Variants in NEGR1 observed in about 807,000 individuals in gnomAD.
The protein encoded by NEGR1 is IgLON family member 4.
Under a neutral mutation model 40.9 loss-of-function variants are expected in NEGR1, and 10 were observed. The ratio of observed to expected loss-of-function variants is 0.24; its 90% CI spans 0.15 to 0.42. The LOEUF (loss-of-function observed/expected upper bound fraction) is 0.42, where lower values mean the gene tolerates loss of function less well. Ranked by LOEUF, NEGR1 falls within the 10% of genes least tolerant of loss-of-function variation. NEGR1 has a pLI of 1.00. For missense variants in NEGR1, 352 were observed against 438.9 expected (o/e 0.80, Z 1.77); for synonymous variants, 185 against 166.8 (o/e 1.11, Z -0.84).
intron 1 of NEGR1, among the ~76,000 whole-genome samples, chr1:72,218,649 C>T (rs1276650218): frequency 6.6e-6 from 1 of 150,418 alleles, no homozygotes. Flanking sequence ...TAACAGAGAT[C>T]GAGATGCCAG....
At chr1:72,258,606 A>T (rs1219422744) in intron 1 of NEGR1, among the ~76,000 whole-genome samples, 1 of 152,206 alleles carries the variant, frequency 6.6e-6, no homozygotes, top group Non-Finnish European at 1.5e-5. Flanking sequence ...CGGGGCAATT[A>T]AATAACTAAA....
chr1:71,928,129 C>CATATGT lies in NEGR1; in HGVS notation c.409+6949_409+6950insACATAT, dbSNP rs1449425941. Among the ~76,000 whole-genome samples, 3 of 2,522 alleles carry CATATGT rather than the reference C, an allele frequency of 1.2e-3. 1 individual carries two copies. Among genetic ancestry groups the CATATGT allele is most frequent in the African/African-American group, 4.0e-3 (2 of 500 alleles). The allele number at this position is 2,522 out of a possible 152,430, so 1.7% of individuals were successfully genotyped here. On this transcript the variant is annotated intron_variant, in intron 2 of 6. Transcript: ENST00000357731. ...ATATATACACATATGTATATATACA[C>CATATGT]ACATATGTATATATACACACATATG... is the stretch of plus-strand genomic sequence containing the variant.
In NEGR1 at chr1:71,933,694, GT is replaced by G. The variant is rs369106269; in HGVS notation, c.409+1384del. On this transcript the variant is annotated intron_variant, in intron 2 of 6. Transcript: ENST00000357731. Reference sequence around the variant, plus strand: ...ATTAAAGATGAACTTTTGTGAAAATGTTATTATATTCTGATATACCACTTTT... The same window carrying G: ...ATTAAAGATGAACTTTTGTGAAAATGTATTATATTCTGATATACCACTTTT... Among the ~76,000 whole-genome samples the G allele has an allele frequency of 7.1e-3, 1,082 of 152,076 alleles. 11 individuals are homozygous for G. The highest frequency in any genetic ancestry group is 0.012 in the Non-Finnish European group (801 of 67,892).
chr1:72,152,761 A>G (rs761277198), intron 1 of NEGR1, among the ~76,000 whole-genome samples: 271 of 152,130 alleles, frequency 1.8e-3, no homozygotes, highest in Non-Finnish European at 2.9e-3. Context: ...AGAAAATGTG[A>G]TACATTTACA....
intron 1 of NEGR1, among the ~76,000 whole-genome samples, chr1:72,019,405 G>A (rs1158963498): frequency 6.6e-6 from 1 of 152,122 alleles, no homozygotes; most frequent in Non-Finnish European, 1.5e-5. Flanking sequence ...CTAGAAAATA[G>A]TGACAGAAAA....
intron 4 of NEGR1, among the ~76,000 whole-genome samples, chr1:71,684,489 T>C (rs1652956870): frequency 6.6e-6 from 1 of 152,140 alleles, no homozygotes; most frequent in African/African-American, 2.4e-5. Flanking sequence ...TGTATGTATC[T>C]ATTTTTGTGT....
At chr1:72,256,011 A>C (rs182356570) in intron 1 of NEGR1, among the ~76,000 whole-genome samples, 9 of 152,342 alleles carry the variant, frequency 5.9e-5, no homozygotes, top group Admixed American at 5.9e-4. Context: ...TCAGCAACAA[A>C]TAGAGCTAAA....
chr1:71,876,604 AGAAGGAAG>A (rs34140557), intron 2 of NEGR1, among the ~76,000 whole-genome samples: 3 of 150,396 alleles, frequency 2.0e-5, no homozygotes, highest in South Asian at 4.2e-4. Flanking sequence ...AAGGAAGGAA[AGAAGGAAG>A]GAAGGAAGGA....
intron 1 of NEGR1, among the ~76,000 whole-genome samples, chr1:72,257,323 A>C (rs1655307069): frequency 1.0e-5 from 1 of 100,058 alleles, no homozygotes; most frequent in Non-Finnish European, 2.1e-5. Flanking sequence ...CTCTGTCTCA[A>C]AAAAAAAAAA....
At chr1:72,178,287 T>C (rs1298968403) in intron 1 of NEGR1, among the ~76,000 whole-genome samples, 2 of 152,048 alleles carry the variant, frequency 1.3e-5, no homozygotes, top group Non-Finnish European at 2.9e-5. Context: ...TAGCCAGTTG[T>C]ATTCTGTGAG....
At chr1:71,425,973 C>CT (rs1646425862) in intron 6 of NEGR1, among the ~76,000 whole-genome samples, 1 of 152,152 alleles carries the variant, frequency 6.6e-6, no homozygotes, top group Admixed American at 6.5e-5. Flanking sequence ...AGCAATCACA[C>CT]TCCTACAGCT....
chr1:71,877,392 C>T (rs1038109416), intron 2 of NEGR1, among the ~76,000 whole-genome samples: 1 of 152,050 alleles, frequency 6.6e-6, no homozygotes, highest in South Asian at 2.1e-4. Flanking sequence ...GAGATCAAGG[C>T]GTGGGCAGGT....
At chr1:71,472,025 T>G (rs1279058507) in intron 6 of NEGR1, among the ~76,000 whole-genome samples, 1 of 152,172 alleles carries the variant, frequency 6.6e-6, no homozygotes, top group Non-Finnish European at 1.5e-5. Flanking sequence ...AAAAGTCTTC[T>G]GATCACATGT....
chr1:72,017,633 G>A (rs1646723022), intron 1 of NEGR1, among the ~76,000 whole-genome samples: 2 of 151,584 alleles, frequency 1.3e-5, no homozygotes, highest in African/African-American at 4.8e-5. Flanking sequence ...TCTTAAGACA[G>A]ATGTAGTTGG....
In NEGR1 at chr1:71,413,830, C is replaced by A. The variant is rs895172306; in HGVS notation, c.941-6260G>T. 1.3e-5 allele frequency among the ~76,000 whole-genome samples: 2 copies of A among 152,156 alleles called. 1 individual carries two copies. Among genetic ancestry groups the A allele is most frequent in the Admixed American group, 1.3e-4 (2 of 15,270 alleles). ...ATATCTTTTCTAATTATGATTATCA[C>A]TACCAATTACCACATCTGCTGCATA... On this transcript the variant is annotated intron_variant, in intron 6 of 6. Transcript: ENST00000357731.
chr1:71,996,761 C>G (rs113344161), intron 1 of NEGR1, among the ~76,000 whole-genome samples: 1 of 152,140 alleles, frequency 6.6e-6, no homozygotes, highest in Middle Eastern at 3.4e-3. Context: ...ATAAAATGAT[C>G]TTTGCTTTCG....
Position 71,525,456 on chromosome 1 carries a change from A to G in NEGR1, c.940+67361T>C, listed in dbSNP as rs182209188. Among the ~76,000 whole-genome samples the G allele has an allele frequency of 3.1e-3, 471 of 151,838 alleles. 3 individuals are homozygous for G. The highest frequency in any genetic ancestry group is 4.1e-3 in the Non-Finnish European group (278 of 67,758). Reference sequence around the variant, plus strand: ...GCTTATTTGACTTAAAATCTAAATTATAAAGATAGGTATTTCAATTCTTCT... The same window carrying G: ...GCTTATTTGACTTAAAATCTAAATTGTAAAGATAGGTATTTCAATTCTTCT... On this transcript the variant is annotated intron_variant, in intron 6 of 6. Transcript: ENST00000357731.
intron 2 of NEGR1, among the ~76,000 whole-genome samples, chr1:71,857,457 C>CAAAAAAA (rs34177437): frequency 1.3e-4 from 10 of 77,660 alleles, no homozygotes; most frequent in African/African-American, 2.7e-4. Context: ...ACAAAAAATA[C>CAAAAAAA]AAAAAAAAAA....
intron 1 of NEGR1, among the ~76,000 whole-genome samples, chr1:72,266,724 A>C (rs867877370): frequency 1.0e-4 from 14 of 133,800 alleles, no homozygotes; most frequent in South Asian, 7.5e-4. Flanking sequence ...TAGACAGATA[A>C]ACACACACAC....
Sources: allele counts gnomAD v4.1 joint callset (sites outside exome capture counted in the v4.1 genomes callset), GRCh38; gene constraint gnomAD v4.1.1; transcripts MANE v1.5; gene names NCBI Gene and HGNC (gene_info 2026-07-23, HGNC 2026-07-21).